SMC5: variants seen among roughly 807,000 people sequenced by gnomAD.
SMC5 encodes the protein structural maintenance of chromosomes 5.
A neutral mutation model predicts 148.3 loss-of-function variants in SMC5; 88 were observed. The ratio of observed to expected loss-of-function variants is 0.59; its 90% confidence interval spans 0.50 to 0.71. SMC5 has a LOEUF of 0.71. Ranked by LOEUF, SMC5 falls within the 30% of genes least tolerant of loss-of-function variation. SMC5 has a pLI of 0.00. For missense variants in SMC5, 1,142 were observed against 1,298.9 expected, an observed-to-expected ratio of 0.88 and a Z score of 1.86; for synonymous variants, 421 against 432.8, an observed-to-expected ratio of 0.97 and a Z score of 0.34.
chr9:70,293,822 A>G (rs2035128122), intron 8 of SMC5, among the ~76,000 whole-genome samples: 1 of 152,148 alleles, frequency 6.6e-6, no homozygotes, highest in African/African-American at 2.4e-5. Context: ...CTCTTGGATA[A>G]TTTCCTAGGA....
chr9:70,264,530 G>A (rs778340215), intron 2 of SMC5, 85 bp downstream of exon 2: 2 of 1,394,698 alleles, frequency 1.4e-6, no homozygotes, highest in Non-Finnish European at 2.0e-6. Context: ...CAGTTCCTTG[G>A]GTATAGCAAA....
intron 11 of SMC5, among the ~76,000 whole-genome samples, chr9:70,308,895 T>G (rs2035581047): frequency 6.6e-6 from 1 of 152,182 alleles, no homozygotes; most frequent in Admixed American, 6.5e-5. Flanking sequence ...TGAATTCTAG[T>G]ACAGACATAC....
intron 10 of SMC5, among the ~76,000 whole-genome samples, chr9:70,304,294 G>C (rs1173806656): frequency 6.6e-6 from 1 of 151,844 alleles, no homozygotes; most frequent in East Asian, 1.9e-4. Flanking sequence ...TCCTGGGCTG[G>C]TCTCAAACTT....
chr9:70,345,120 T>A (rs2036633243), intron 18 of SMC5, among the ~76,000 whole-genome samples: 1 of 152,118 alleles, frequency 6.6e-6, no homozygotes, highest in Non-Finnish European at 1.5e-5. Context: ...CTAAAAACAG[T>A]AGAATGTCTT....
chr9:70,277,426 C>T lies in SMC5; in HGVS notation c.497C>T (p.Ala166Val), dbSNP rs1468488199. 4 of 1,601,950 alleles carry T rather than the reference C, an allele frequency of 2.5e-6. No homozygotes were observed. The highest frequency in any genetic ancestry group is 1.1e-5 in the South Asian group (1 of 89,298). Residue 166 changes from alanine (A) to valine (V), a missense_variant, in exon 4 of 25, where the codon GCA becomes GTA. By Grantham distance (64) the Ala-to-Val change is moderately conservative (BLOSUM62 0). Transcript: ENST00000361138. ...TTQKIVEEKVAALNIQVGNLC... is the reference protein window; with the variant it reads ...TTQKIVEEKVVALNIQVGNLC... ...CAGAAAATAGTGGAAGAGAAAGTTG[C>T]AGCCTTAAATATTCAAGTGGGGAAT... is the stretch of plus-strand genomic sequence containing the variant.
chr9:70,269,116 C>T (rs1034768102), intron 3 of SMC5, among the ~76,000 whole-genome samples: 3 of 152,004 alleles, frequency 2.0e-5, no homozygotes, highest in Non-Finnish European at 4.4e-5. Flanking sequence ...AAAAATTACT[C>T]AGTTTTTATT....
chr9:70,282,096 C>T (rs1278273624), intron 6 of SMC5, among the ~76,000 whole-genome samples: 1 of 149,666 alleles, frequency 6.7e-6, no homozygotes, highest in African/African-American at 2.5e-5. Flanking sequence ...CTTTATACAT[C>T]CCTGTATCTC....
In SMC5 at chr9:70,346,619, T is replaced by A. The variant is rs771835676; in HGVS notation, c.2538T>A (p.Ile846=). The A allele has an allele frequency of 2.5e-6, 4 of 1,613,872 alleles. No individual in the cohort carries two copies. In the African/African-American group the frequency reaches 5.3e-5, roughly 22 times the overall value. The change falls in exon 19 of 25, where the codon ATT becomes ATA. Residue 846 remains isoleucine, a synonymous_variant. Transcript: ENST00000361138. The part of the protein sequence containing the change: ...PQEYQTQVPT[I]PNGHNSSLPM... ...TACCAATTCAGCAAGTACCCACCAT[T>A]CCAAATGGACACAACTCCTCACTCC...
At chr9:70,343,407 T>TA (rs2036574342) in intron 17 of SMC5, among the ~76,000 whole-genome samples, 1 of 152,148 alleles carries the variant, frequency 6.6e-6, no homozygotes, top group Admixed American at 6.5e-5. Flanking sequence ...AATAAATAAA[T>TA]ACATGGAAGG....
chr9:70,324,271 A>G (rs1472814840), intron 17 of SMC5, 128 bp downstream of exon 17: 27 of 898,836 alleles, frequency 3.0e-5, no homozygotes, highest in Non-Finnish European at 3.3e-6. Context: ...AATTTAATGC[A>G]TCATGTTGAT....
chr9:70,275,915 A>G (rs749962815), intron 3 of SMC5, among the ~76,000 whole-genome samples: 11 of 152,162 alleles, frequency 7.2e-5, no homozygotes, highest in Non-Finnish European at 1.5e-4. Flanking sequence ...TTTCTTAGTC[A>G]TCCAAATATC....
rs1301643844 is a variant in SMC5, at chr9:70,315,474, G to C, written c.1702G>C (p.Glu568Gln). 6.3e-7 allele frequency: 1 copy of C among 1,591,732 alleles called. No individual in the cohort carries two copies. The highest frequency in any genetic ancestry group is 1.3e-5 in the African/African-American group (1 of 74,340). Residue 568 changes from glutamate (E) to glutamine (Q), a missense_variant, in exon 13 of 25, where the codon GAA becomes CAA. By Grantham distance (29) the Glu-to-Gln change is conservative. Coordinates refer to ENST00000361138, the MANE Select transcript of SMC5 (RefSeq NM_015110.4). ...ATACGGATTTTTCTCTTATTTGAGA[G>C]AATTATTTGATGCACCTGATCCTGT... ...KQYGFFSYLR[E>Q]LFDAPDPVMS...
At chr9:70,313,997 T>C (rs2035728733) in intron 11 of SMC5, among the ~76,000 whole-genome samples, 1 of 152,192 alleles carries the variant, frequency 6.6e-6, no homozygotes, top group Admixed American at 6.5e-5. Context: ...AGTTTTAGCC[T>C]TCCACTTGTT....
At chr9:70,282,652 T>C (rs2034783609) in intron 7 of SMC5, 69 bp downstream of exon 7, 1 of 1,433,776 alleles carries the variant, frequency 7.0e-7, no homozygotes, top group Non-Finnish European at 9.4e-7. Context: ...ATTTTGCAGG[T>C]GTTTGAAAAT....
intron 11 of SMC5, chr9:70,311,111 C>G (rs754979772): frequency 2.0e-5 from 3 of 152,182 alleles, no homozygotes; most frequent in Admixed American, 6.5e-5. Context: ...AAGAACTCTT[C>G]CTTTGCATTC....
At chr9:70,330,024 G>A (rs1198965223) in intron 17 of SMC5, among the ~76,000 whole-genome samples, 3 of 152,040 alleles carry the variant, frequency 2.0e-5, no homozygotes, top group Non-Finnish European at 4.4e-5. Flanking sequence ...TCAGCAAGGA[G>A]GAAATCCACC....
rs1487593181 is a variant in SMC5 at position 70,353,744 on chromosome 9, T to C, written c.*1413T>C. 1 of 152,182 alleles carries C rather than the reference T, an allele frequency of 6.6e-6. No individual in the cohort carries two copies. Among genetic ancestry groups the C allele is most frequent in the Non-Finnish European group, 1.5e-5 (1 of 68,014 alleles). The allele number at this position is 152,182 out of a possible 1,614,324, so 9.4% of individuals were successfully genotyped here. A position where few individuals can be genotyped will look rare whatever the true frequency, so the allele number is the denominator to read the frequency against. On this transcript the variant is annotated 3_prime_UTR_variant, in exon 25 of 25. Transcript: ENST00000361138. Reference sequence around the variant, plus strand: ...AAGAGCCTTCCCTTCTTAAACTAACTCCAGTGCATGAAGTGTGAAAATATT... The same window carrying C: ...AAGAGCCTTCCCTTCTTAAACTAACCCCAGTGCATGAAGTGTGAAAATATT...
intron 12 of SMC5, 114 bp downstream of exon 12, chr9:70,314,950 A>C: frequency 1.6e-6 from 1 of 635,738 alleles, no homozygotes. Context: ...CTTAAGTCGA[A>C]TATAAGGAAA....
chr9:70,336,124 A>G (rs796619292), intron 17 of SMC5, among the ~76,000 whole-genome samples: 12 of 152,308 alleles, frequency 7.9e-5, no homozygotes, highest in African/African-American at 2.9e-4. Context: ...ACTTAACTGC[A>G]TAAATGTATT....
Sources: allele counts gnomAD v4.1 joint callset (sites outside exome capture counted in the v4.1 genomes callset), GRCh38; gene constraint gnomAD v4.1.1; transcripts MANE v1.5; gene names NCBI Gene and HGNC (gene_info 2026-07-23, HGNC 2026-07-21).